Variants in CDH4 observed in about 807,000 individuals in gnomAD.
The protein encoded by CDH4 is cadherin 4, also known as cadherin-4.
CDH4 carries 33 observed loss-of-function variants against 86.0 expected under a neutral mutation model. That is an observed-to-expected ratio of 0.38 (90% CI 0.29 to 0.51). The LOEUF (loss-of-function observed/expected upper bound fraction) is 0.51. CDH4 is among the 20% of genes least tolerant of loss of function. The pLI is 0.86. For synonymous variants in CDH4, 555 were observed against 549.4 expected, an observed-to-expected ratio of 1.01 and a Z score of -0.14; for missense variants, 1,114 against 1,307.4, an observed-to-expected ratio of 0.85 and a Z score of 2.28.
Position 61,841,275 on chromosome 20 carries a change from G to A in CDH4, c.577-3393G>A, listed in dbSNP as rs565258875. 3.1e-3 allele frequency among the ~76,000 whole-genome samples: 465 copies of A among 152,328 alleles called. 1 individual carries two copies. Among genetic ancestry groups the A allele is most frequent in the Middle Eastern group, 6.8e-3 (2 of 294 alleles). On this transcript the variant is annotated intron_variant, in intron 4 of 15. Transcript: ENST00000614565. ...TCGGAGAAGCGCAGCGCTCCCGGAC[G>A]GCGGGGCTGGTGGGCTCTGTACTCC...
intron 4 of CDH4, among the ~76,000 whole-genome samples, chr20:61,817,275 A>G (rs62206303): frequency 0.41 from 62,534 of 151,990 alleles, 15,726 homozygotes; most frequent in Non-Finnish European, 0.57. Context: ...AGTGCCCCTC[A>G]CCGGGCCCAG....
intron 2 of CDH4, among the ~76,000 whole-genome samples, chr20:61,422,370 G>A (rs1017732605): frequency 1.4e-5 from 2 of 139,202 alleles, no homozygotes; most frequent in Non-Finnish European, 3.0e-5. Context: ...GTTGCAGTGA[G>A]CCGAGATCGT....
chr20:61,837,554 C>T (rs1388002053), intron 4 of CDH4, among the ~76,000 whole-genome samples: 1 of 152,054 alleles, frequency 6.6e-6, no homozygotes, highest in East Asian at 1.9e-4. Flanking sequence ...TTCAATGGTC[C>T]CTTAAGGAAT....
At chr20:61,336,675 A>G (rs574241766) in intron 2 of CDH4, among the ~76,000 whole-genome samples, 1 of 152,230 alleles carries the variant, frequency 6.6e-6, no homozygotes, top group East Asian at 1.9e-4. Flanking sequence ...TTTTGACCCA[A>G]AAATGGGGGA....
chr20:61,257,773 C>T (rs1241234078), intron 2 of CDH4, among the ~76,000 whole-genome samples: 3 of 152,362 alleles, frequency 2.0e-5, no homozygotes, highest in Middle Eastern at 3.4e-3. Flanking sequence ...GCCAGCCCGC[C>T]CGGAAGCTGC....
chr20:61,903,896 C>T (rs766666748), intron 8 of CDH4, among the ~76,000 whole-genome samples: 2 of 152,336 alleles, frequency 1.3e-5, no homozygotes, highest in Non-Finnish European at 2.9e-5. Context: ...CAGCATGAGC[C>T]CAAGGTGCCC....
chr20:61,342,020 G>GTT (rs2084651677), intron 2 of CDH4, among the ~76,000 whole-genome samples: 1 of 152,172 alleles, frequency 6.6e-6, no homozygotes, highest in Non-Finnish European at 1.5e-5. Flanking sequence ...GCCATAGTGG[G>GTT]TGAGGCTGTT....
chr20:61,929,652 C>A lies in CDH4; in HGVS notation c.2049C>A (p.Ala683=). 6.2e-7 allele frequency: 1 copy of A among 1,614,080 alleles called. No homozygotes were observed. The highest frequency in any genetic ancestry group is 1.3e-5 in the African/African-American group (1 of 75,036). The change falls in exon 13 of 16, where the codon GCC becomes GCA. Residue 683 remains alanine, a synonymous_variant. Coordinates refer to ENST00000614565, the MANE Select transcript of CDH4 (RefSeq NM_001794.5). Reference sequence around the variant, plus strand: ...GCTTGCGCATCCTGTACCTGGAGGCCGGGATGTATGACGTCCCCATCATCG... The same window carrying A: ...GCTTGCGCATCCTGTACCTGGAGGCAGGGATGTATGACGTCCCCATCATCG... The part of the protein sequence containing the change: ...QLSLRILYLE[A]GMYDVPIIVT...
intron 2 of CDH4, among the ~76,000 whole-genome samples, chr20:61,693,767 A>G (rs752360640): frequency 3.3e-5 from 5 of 152,092 alleles, no homozygotes; most frequent in African/African-American, 9.7e-5. Flanking sequence ...GAATCGAACA[A>G]TCATGCCCCC....
chr20:61,642,929 G>A (rs1258557871), intron 2 of CDH4, among the ~76,000 whole-genome samples: 1 of 152,072 alleles, frequency 6.6e-6, no homozygotes, highest in Non-Finnish European at 1.5e-5. Context: ...AAGGATCCTT[G>A]TGATTACTTT....
chr20:61,781,862 G>C (rs1397384908), intron 4 of CDH4, among the ~76,000 whole-genome samples: 1 of 152,198 alleles, frequency 6.6e-6, no homozygotes, highest in South Asian at 2.1e-4. Context: ...CTCTAAAGTA[G>C]AGGAAAAGGT....
At chr20:61,350,027 G>A (rs371521408) in intron 2 of CDH4, among the ~76,000 whole-genome samples, 5 of 152,212 alleles carry the variant, frequency 3.3e-5, no homozygotes, top group South Asian at 2.1e-4. Context: ...ACATGTGGGC[G>A]AGGAGGCAGC....
In CDH4 at chr20:61,877,464, G is replaced by A. The variant is rs776953222; in HGVS notation, c.1050+3564G>A. On this transcript the variant is annotated intron_variant, in intron 7 of 15. Transcript: ENST00000614565. Reference sequence around the variant, plus strand: ...GCCATTAGAGGTGTGGTTGACAGACGGAGATTTATGAAGATTGAGGAACAT... The same window carrying A: ...GCCATTAGAGGTGTGGTTGACAGACAGAGATTTATGAAGATTGAGGAACAT... 4.0e-5 allele frequency among the ~76,000 whole-genome samples: 6 copies of A among 151,016 alleles called. No homozygotes were observed. In the East Asian group the frequency reaches 7.9e-4, roughly 20 times the overall value.
At chr20:61,904,597 C>A (rs1235353761) in intron 8 of CDH4, among the ~76,000 whole-genome samples, 1 of 152,196 alleles carries the variant, frequency 6.6e-6, no homozygotes, top group African/African-American at 2.4e-5. Context: ...GACCCTGTAC[C>A]AGGTGCTGCA....
intron 2 of CDH4, among the ~76,000 whole-genome samples, chr20:61,619,852 G>A (rs1449167778): frequency 6.6e-6 from 1 of 152,258 alleles, no homozygotes; most frequent in African/African-American, 2.4e-5. Flanking sequence ...AAGAGGGGAA[G>A]TTGCCGTAGG....
At chr20:61,310,293 A>G (rs748015007) in intron 2 of CDH4, among the ~76,000 whole-genome samples, 9 of 152,162 alleles carry the variant, frequency 5.9e-5, no homozygotes, top group Non-Finnish European at 1.0e-4. Flanking sequence ...TCATGCTGCC[A>G]TACTAAGTAC....
chr20:61,683,624 A>G (rs892055764), intron 2 of CDH4, among the ~76,000 whole-genome samples: 2 of 152,208 alleles, frequency 1.3e-5, no homozygotes, highest in Non-Finnish European at 2.9e-5. Context: ...CTTGTCAGTC[A>G]CCCACAGAGT....
At chr20:61,826,560 G>T (rs917243342) in intron 4 of CDH4, among the ~76,000 whole-genome samples, 2 of 152,212 alleles carry the variant, frequency 1.3e-5, no homozygotes, top group Non-Finnish European at 2.9e-5. Context: ...GCGGTGATGG[G>T]GGTGGGGGTG....
At chr20:61,318,030 G>A (rs1290540710) in intron 2 of CDH4, among the ~76,000 whole-genome samples, 1 of 152,214 alleles carries the variant, frequency 6.6e-6, no homozygotes, top group Non-Finnish European at 1.5e-5. Context: ...GAGACCCAGA[G>A]AGACTAAAGG....
Sources: allele counts gnomAD v4.1 joint callset (sites outside exome capture counted in the v4.1 genomes callset), GRCh38; gene constraint gnomAD v4.1.1; transcripts MANE v1.5; gene names NCBI Gene and HGNC (gene_info 2026-07-23, HGNC 2026-07-21).